Variants in TANGO6 observed in about 807,000 individuals in gnomAD.
TANGO6 encodes the protein transport and Golgi organization protein 6 homolog.
Under a neutral mutation model 114.2 loss-of-function variants are expected in TANGO6, and 90 were observed. The observed-to-expected ratio is 0.79, with a 90% CI of 0.66 to 0.94. The LOEUF (loss-of-function observed/expected upper bound fraction) is 0.94, where lower values mean the gene tolerates loss of function less well. Among genes scored for constraint, TANGO6 ranks in the 40% least tolerant of loss-of-function variants. The probability of loss-of-function intolerance (pLI) is 0.00; values close to 1 mark genes in which losing one functional copy is unlikely to be tolerated. For missense variants in TANGO6, 1,274 were observed against 1,315.3 expected (o/e 0.97, Z 0.49); for synonymous variants, 477 against 509.8 (o/e 0.94, Z 0.87).
intron 17 of TANGO6, among the ~76,000 whole-genome samples, chr16:69,070,072 G>T (rs897701146): frequency 4.0e-5 from 6 of 149,938 alleles, no homozygotes; most frequent in Non-Finnish European, 7.4e-5. Flanking sequence ...AAAGCTAGGT[G>T]TGGCATGTGC....
intron 13 of TANGO6, among the ~76,000 whole-genome samples, chr16:68,929,934 A>C (rs553425864): frequency 6.6e-6 from 1 of 152,312 alleles, no homozygotes; most frequent in South Asian, 2.1e-4. Flanking sequence ...CTGTCATGCC[A>C]TATGTGAGAA....
intron 14 of TANGO6, among the ~76,000 whole-genome samples, chr16:68,943,332 G>T (rs1203154720): frequency 6.7e-6 from 1 of 148,200 alleles, no homozygotes; most frequent in South Asian, 2.1e-4. Flanking sequence ...GCAGTGGCAT[G>T]ATTAAAGCTC....
At chr16:68,986,735 T>G (rs148961420) in intron 15 of TANGO6, among the ~76,000 whole-genome samples, 75 of 152,082 alleles carry the variant, frequency 4.9e-4, no homozygotes, top group African/African-American at 1.7e-3. Flanking sequence ...TGAAACCCGG[T>G]CTCTACTAGA....
intron 4 of TANGO6, among the ~76,000 whole-genome samples, chr16:68,871,431 A>G (rs988293561): frequency 1.3e-5 from 2 of 151,544 alleles, no homozygotes; most frequent in Admixed American, 6.6e-5. Context: ...GTGGGTTTAT[A>G]GTGTTTGCCA....
intron 17 of TANGO6, among the ~76,000 whole-genome samples, chr16:69,072,598 T>C (rs1340290894): frequency 6.6e-6 from 1 of 152,146 alleles, no homozygotes; most frequent in Non-Finnish European, 1.5e-5. Context: ...GAGGAAGTCC[T>C]ATGATGTGTG....
At chr16:69,026,261 A>C (rs914766508) in intron 16 of TANGO6, 1 of 152,256 alleles carries the variant, frequency 6.6e-6, no homozygotes, top group African/African-American at 2.4e-5. Flanking sequence ...TCAGCCTCCC[A>C]AAGTGCTGGG....
At chr16:69,078,123 CT>C (rs1364202554) in intron 17 of TANGO6, among the ~76,000 whole-genome samples, 1 of 152,110 alleles carries the variant, frequency 6.6e-6, no homozygotes, top group Non-Finnish European at 1.5e-5. Context: ...TATTAATAGC[CT>C]CCCAGGCTGA....
intron 16 of TANGO6, chr16:69,034,137 T>C: frequency 6.5e-6 from 1 of 154,292 alleles, no homozygotes; most frequent in African/African-American, 2.4e-5. Flanking sequence ...CTTTCCATTG[T>C]CCCTATGCGG....
chr16:68,937,911 T>G (rs1280281907), intron 14 of TANGO6, among the ~76,000 whole-genome samples: 1 of 152,210 alleles, frequency 6.6e-6, no homozygotes, highest in African/African-American at 2.4e-5. Context: ...GTACAAGTTT[T>G]GTGTGAACGT....
At chr16:69,026,894 G>T (rs551539389) in intron 16 of TANGO6, among the ~76,000 whole-genome samples, 1 of 152,078 alleles carries the variant, frequency 6.6e-6, no homozygotes, top group Admixed American at 6.6e-5. Context: ...ATGGAGTCTC[G>T]CTTTGTTCCC....
intron 17 of TANGO6, among the ~76,000 whole-genome samples, chr16:69,056,051 A>G (rs1381075736): frequency 6.6e-6 from 1 of 152,104 alleles, no homozygotes; most frequent in Non-Finnish European, 1.5e-5. Context: ...AAAAAAAAAG[A>G]AAAAGAAAAA....
intron 17 of TANGO6, among the ~76,000 whole-genome samples, chr16:69,077,052 T>G (rs1489532286): frequency 6.6e-6 from 1 of 151,800 alleles, no homozygotes; most frequent in Non-Finnish European, 1.5e-5. Flanking sequence ...CGAATTTTTT[T>G]TTTTTTGGAG....
intron 17 of TANGO6, among the ~76,000 whole-genome samples, chr16:69,082,620 C>T (rs1440236451): frequency 6.6e-6 from 1 of 152,208 alleles, no homozygotes. Context: ...TGGTGCGCAC[C>T]TGTAGTCCCA....
At chr16:68,872,309 CT>C (rs368722656) in intron 4 of TANGO6, among the ~76,000 whole-genome samples, 10 of 143,446 alleles carry the variant, frequency 7.0e-5, no homozygotes, top group Admixed American at 1.4e-4. Flanking sequence ...ATTTTTTTTT[CT>C]TTTTTTTTTG....
At position 69,056,623 on chromosome 16, in the gene TANGO6, C is replaced by A. The variant is rs529418278; in HGVS notation, c.3108+16202C>A. Among the ~76,000 whole-genome samples the A allele has an allele frequency of 2.6e-5, 4 of 151,832 alleles. No homozygotes were observed. The East Asian group carries it at 7.7e-4, about 29-fold the overall frequency. The stretch of plus-strand genomic sequence containing the variant: ...TTCCTAAATTCATTTACCAAGAACC[C>A]TTTTTTCATCATAAGCAGGCCAAGT... On this transcript the variant is annotated intron_variant, in intron 17 of 17. Coordinates refer to ENST00000261778, the MANE Select transcript of TANGO6 (RefSeq NM_024562.2).
At chr16:69,075,762 CT>C (rs751940886) in intron 17 of TANGO6, among the ~76,000 whole-genome samples, 2,819 of 127,552 alleles carry the variant, frequency 0.022, 54 homozygotes, top group African/African-American at 0.071. Context: ...CTGAATTCAA[CT>C]TTTTTTTTTT....
Position 69,001,366 on chromosome 16 carries a change from C to A in TANGO6, c.2843-21462C>A, listed in dbSNP as rs371188807. On this transcript the variant is annotated intron_variant, in intron 15 of 17. Coordinates refer to ENST00000261778, the MANE Select transcript of TANGO6 (RefSeq NM_024562.2). ...ATTTTTATTTTATTTTACCAGTAAT[C>A]TTTAAACTCCCTTTATTTTTAAAAG... Among the ~76,000 whole-genome samples the A allele has an allele frequency of 3.9e-5, 6 of 152,184 alleles. No homozygotes were observed. In the East Asian group the frequency reaches 7.7e-4, roughly 19 times the overall value.
chr16:68,897,123 G>A (rs1395052184), intron 7 of TANGO6, among the ~76,000 whole-genome samples: 2 of 151,882 alleles, frequency 1.3e-5, no homozygotes, highest in East Asian at 1.9e-4. Context: ...GGCTGGTCTC[G>A]AACTCCTGAC....
intron 17 of TANGO6, among the ~76,000 whole-genome samples, chr16:69,062,281 T>C (rs1257151471): frequency 6.6e-6 from 1 of 152,068 alleles, no homozygotes; most frequent in Non-Finnish European, 1.5e-5. Flanking sequence ...AGACTTTTCA[T>C]AGGCAAAGTC....
Sources: allele counts gnomAD v4.1 joint callset (sites outside exome capture counted in the v4.1 genomes callset), GRCh38; gene constraint gnomAD v4.1.1; transcripts MANE v1.5; gene names NCBI Gene and HGNC (gene_info 2026-07-23, HGNC 2026-07-21).